The following PCDHGB6 variants were observed in gnomAD, a reference collection of about 807,000 sequenced individuals.
PCDHGB6 encodes protocadherin gamma subfamily B, 6, also known as protocadherin gamma-B6.
Under a neutral mutation model 59.1 loss-of-function variants are expected in PCDHGB6, and 51 were observed. The observed-to-expected ratio is 0.86, with a 90% CI of 0.69 to 1.09. The LOEUF (loss-of-function observed/expected upper bound fraction) is 1.09, where lower values mean the gene tolerates loss of function less well. PCDHGB6 is among the 50% of genes least tolerant of loss of function. The pLI, the probability that PCDHGB6 is intolerant of heterozygous loss-of-function variation, is 0.00. For synonymous variants in PCDHGB6, 466 were observed against 495.1 expected (o/e 0.94, Z 0.78); for missense variants, 1,148 against 1,205.1 (o/e 0.95, Z 0.70).
intron 1 of PCDHGB6, among the ~76,000 whole-genome samples, chr5:141,456,745 A>T (rs573105679): frequency 6.6e-6 from 1 of 151,920 alleles, no homozygotes; most frequent in South Asian, 2.1e-4. Context: ...CGGGAGCATC[A>T]TGAGGTCAGG....
intron 1 of PCDHGB6, chr5:141,422,371 C>T (rs866886181): frequency 6.4e-7 from 1 of 1,567,212 alleles, no homozygotes; most frequent in South Asian, 1.2e-5. Context: ...AGAAAATGGT[C>T]AAGTCTCCTG....
At chr5:141,446,447 A>G (rs2098502204) in intron 1 of PCDHGB6, among the ~76,000 whole-genome samples, 1 of 151,946 alleles carries the variant, frequency 6.6e-6, no homozygotes, top group Non-Finnish European at 1.5e-5. Context: ...AACAGTGCAG[A>G]TATTCAGTGT....
In PCDHGB6 at chr5:141,502,866, C is replaced by CTTTTTTTTTTTTTTTTT. The variant is rs549047197; in HGVS notation, c.2478-2513_2478-2512insTTTTTTTTTTTTTTTTT. Among the ~76,000 whole-genome samples the CTTTTTTTTTTTTTTTTT allele has an allele frequency of 3.1e-5, 4 of 128,046 alleles. 1 individual carries two copies. 84.0% of individuals were successfully genotyped at this position (128,046 alleles called of 152,430 possible). A position where few individuals can be genotyped will look rare whatever the true frequency, so the allele number is the denominator to read the frequency against. ...GAGCTGCCTAACCCTGACTCTCTGTCTTTTTTTTTTTTTTGACAGGGAGTC... is the reference window on the plus strand; with the variant it reads ...GAGCTGCCTAACCCTGACTCTCTGTCTTTTTTTTTTTTTTTTTTTTTTTTTTTTTTTGACAGGGAGTC... On this transcript the variant is annotated intron_variant, in intron 2 of 3. Transcript: ENST00000520790.
In PCDHGB6 at chr5:141,423,110, G is replaced by A. The variant is rs62621243; in HGVS notation, c.2418+12490G>A. On this transcript the variant is annotated intron_variant, in intron 1 of 3. Coordinates refer to ENST00000520790, the MANE Select transcript of PCDHGB6 (RefSeq NM_018926.3). ...GTGGGGGAGCACACGGGCGAGGTGC[G>A]TACAGCGCGGGCACTGCTGGACAGA... The A allele has an allele frequency of 0.016, 25,324 of 1,613,842 alleles. 257 individuals carry two copies. Among genetic ancestry groups the A allele is most frequent in the Non-Finnish European group, 0.019 (22,060 of 1,179,980 alleles).
In PCDHGB6 at chr5:141,451,946, G is replaced by A. The variant is rs146934262; in HGVS notation, c.2418+41326G>A. On this transcript the variant is annotated intron_variant, in intron 1 of 3. Coordinates refer to ENST00000520790, the MANE Select transcript of PCDHGB6 (RefSeq NM_018926.3). ...GGAGGTAGGGAGGCAGGGAAAGACC[G>A]AGAAAGTGACATACCATCATTTTTG... Among the ~76,000 whole-genome samples, 240 of 152,218 alleles carry A rather than the reference G, an allele frequency of 1.6e-3. 1 individual carries two copies. Among genetic ancestry groups the A allele is most frequent in the Non-Finnish European group, 2.9e-3 (195 of 68,026 alleles).
rs1283688342 is a variant in PCDHGB6, at chr5:141,437,688, T to G, written c.2418+27068T>G. On this transcript the variant is annotated intron_variant, in intron 1 of 3. Transcript: ENST00000520790. ...GAGATGTTGATCAAACTGATGAGGCTAAATCTCAAGAAAGAGACACAGTTA... is the reference window on the plus strand; with the variant it reads ...GAGATGTTGATCAAACTGATGAGGCGAAATCTCAAGAAAGAGACACAGTTA... Among the ~76,000 whole-genome samples the G allele has an allele frequency of 4.0e-5, 6 of 151,890 alleles. 1 individual carries two copies. The East Asian group carries it at 1.2e-3, about 29-fold the overall frequency.
At position 141,409,697 on chromosome 5, in the gene PCDHGB6, C is replaced by A. The variant is rs372548874; in HGVS notation, c.1495C>A (p.Leu499Met). The A allele has an allele frequency of 6.2e-7, 1 of 1,613,178 alleles. No individual in the cohort carries two copies. Among genetic ancestry groups the A allele is most frequent in the African/African-American group, 1.3e-5 (1 of 74,956 alleles). Residue 499 changes from leucine to methionine, a missense_variant, in exon 1 of 4, where the codon CTG becomes ATG. By Grantham distance (15) the Leu-to-Met change is conservative. Coordinates refer to ENST00000520790, the MANE Select transcript of PCDHGB6 (RefSeq NM_018926.3). The part of the protein sequence containing the change: ...YSIVASDLEP[L>M]AVSSYVSVSA... The stretch of plus-strand genomic sequence containing the variant: ...TATAGTGGCGAGTGACCTAGAGCCC[C>A]TGGCGGTGTCGTCATACGTGTCAGT...
Position 141,486,226 on chromosome 5 carries a change from A to G in PCDHGB6, c.2419-8581A>G, listed in dbSNP as rs889500362. 5.0e-6 allele frequency: 8 copies of G among 1,614,012 alleles called. No individual in the cohort carries two copies. The highest frequency in any genetic ancestry group is 6.8e-6 in the Non-Finnish European group (8 of 1,180,018). On this transcript the variant is annotated intron_variant, in intron 1 of 3. Transcript: ENST00000520790. This position sits in a 1 kb window ranked among gnomAD's most constrained non-coding sequence, Gnocchi z 5.0. ...TAAATGACAATGCCCCTTACATCACAGTGACCTCAGAGCTTGGAACCCTCC... is the reference window on the plus strand; with the variant it reads ...TAAATGACAATGCCCCTTACATCACGGTGACCTCAGAGCTTGGAACCCTCC...
intron 1 of PCDHGB6, chr5:141,419,206 G>A: frequency 1.9e-6 from 3 of 1,613,876 alleles, no homozygotes; most frequent in Non-Finnish European, 1.7e-6. Flanking sequence ...ATGACAACGC[G>A]CCGGTTTTCG....
chr5:141,474,083 A>G (rs771906750), intron 1 of PCDHGB6, among the ~76,000 whole-genome samples: 2 of 152,190 alleles, frequency 1.3e-5, no homozygotes, highest in African/African-American at 2.4e-5. Flanking sequence ...AACAAAAACC[A>G]AAAAACAAAC....
rs775104626 is a variant in PCDHGB6, at chr5:141,486,636, C to T, written c.2419-8171C>T. On this transcript the variant is annotated intron_variant, in intron 1 of 3. Transcript: ENST00000520790. This position sits in a 1 kb window ranked among gnomAD's most constrained non-coding sequence, Gnocchi z 5.0. ...TCTGACCCAGACTCTGGCTTGAATG[C>T]GCTTATCTCCTACTCACTCCTGGAG... 7 of 1,613,540 alleles carry T rather than the reference C, an allele frequency of 4.3e-6. No individual in the cohort carries two copies. The highest frequency in any genetic ancestry group is 1.3e-5 in the African/African-American group (1 of 74,926).
chr5:141,418,413 A>T, intron 1 of PCDHGB6: 1 of 1,614,048 alleles, frequency 6.2e-7, no homozygotes, highest in Non-Finnish European at 8.5e-7. Flanking sequence ...GAGAAAGACA[A>T]TCCTGATGGT....
chr5:141,452,587 A>G (rs1171400700), intron 1 of PCDHGB6, among the ~76,000 whole-genome samples: 1 of 151,948 alleles, frequency 6.6e-6, no homozygotes, highest in Non-Finnish European at 1.5e-5. Context: ...CCATCTTTGT[A>G]TTTTTATTTT....
chr5:141,500,835 A>G (rs965204931), intron 2 of PCDHGB6, among the ~76,000 whole-genome samples: 13 of 152,118 alleles, frequency 8.5e-5, no homozygotes, highest in African/African-American at 3.1e-4. Context: ...TCTAATGCTA[A>G]TGGGCTTTTG....
intron 1 of PCDHGB6, among the ~76,000 whole-genome samples, chr5:141,469,170 G>A (rs2099192781): frequency 6.6e-6 from 1 of 152,042 alleles, no homozygotes; most frequent in South Asian, 2.1e-4. Context: ...CAGCTACTTG[G>A]GAGGCTGAGG....
chr5:141,459,613 C>A (rs1040874685), intron 1 of PCDHGB6, among the ~76,000 whole-genome samples: 1 of 152,188 alleles, frequency 6.6e-6, no homozygotes, highest in African/African-American at 2.4e-5. Context: ...ATATGCTTAA[C>A]TTTATAAGAA....
At chr5:141,509,777 G>A (rs1244876699) in intron 3 of PCDHGB6, among the ~76,000 whole-genome samples, 1 of 152,100 alleles carries the variant, frequency 6.6e-6, no homozygotes, top group Non-Finnish European at 1.5e-5. Flanking sequence ...TCTAGTCCCC[G>A]AGATCATCAT....
Position 141,490,749 on chromosome 5 carries a change from C to T in PCDHGB6, c.2419-4058C>T, listed in dbSNP as rs777124697. 3.1e-6 allele frequency: 5 copies of T among 1,614,098 alleles called. No individual in the cohort carries two copies. The South Asian group carries it at 5.5e-5, about 18-fold the overall frequency. ...GAAATCAGGTTCAGGGAGCCCCAGC[C>T]TCCTCCTTTGTGTATGTCAACCCAG... On this transcript the variant is annotated intron_variant, in intron 1 of 3. Coordinates refer to ENST00000520790, the MANE Select transcript of PCDHGB6 (RefSeq NM_018926.3). The surrounding 1 kb of genome is among the most constrained non-coding windows in gnomAD (Gnocchi z 5.4).
chr5:141,491,528 C>T lies in PCDHGB6; in HGVS notation c.2419-3279C>T, dbSNP rs745806026. ...GGCACGCTCAAGTACATGGAGGTGACGCTGCGGCCCACAGACTCGCAGAGC... is the reference window on the plus strand; with the variant it reads ...GGCACGCTCAAGTACATGGAGGTGATGCTGCGGCCCACAGACTCGCAGAGC... On this transcript the variant is annotated intron_variant, in intron 1 of 3. Coordinates refer to ENST00000520790, the MANE Select transcript of PCDHGB6 (RefSeq NM_018926.3). The surrounding 1 kb of genome is among the most constrained non-coding windows in gnomAD (Gnocchi z 6.9). 4 of 1,613,950 alleles carry T rather than the reference C, an allele frequency of 2.5e-6. No individual in the cohort carries two copies. Among genetic ancestry groups the T allele is most frequent in the South Asian group, 1.1e-5 (1 of 91,092 alleles).
Sources: gnomAD v4.1 joint callset for allele counts (sites outside exome capture counted in the v4.1 genomes callset) on GRCh38, gnomAD v4.1.1 for gene constraint, Gnocchi (gnomAD v3.1) non-coding constraint, MANE v1.5 for transcripts, NCBI Gene and HGNC (gene_info 2026-07-23, HGNC 2026-07-21) for gene names.